The following TRPM7 variants were observed in gnomAD, a reference collection of about 807,000 sequenced individuals.
TRPM7 encodes LTRPC ion channel family member 7.
Under a neutral mutation model 229.7 loss-of-function variants are expected in TRPM7, and 134 were observed. The observed-to-expected ratio is 0.58, with a 90% CI of 0.51 to 0.67. The LOEUF (loss-of-function observed/expected upper bound fraction) is 0.67. Ranked by LOEUF, TRPM7 falls within the 30% of genes least tolerant of loss-of-function variation. TRPM7 has a pLI of 0.00. For synonymous variants in TRPM7, 699 were observed against 715.2 expected, an observed-to-expected ratio of 0.98 and a Z score of 0.36; for missense variants, 1,901 against 2,210.0, an observed-to-expected ratio of 0.86 and a Z score of 2.80.
At chr15:50,614,097 T>G in intron 14 of TRPM7, 26 bp downstream of exon 14, 1 of 1,570,636 alleles carries the variant, frequency 6.4e-7, no homozygotes, top group Non-Finnish European at 8.6e-7. Flanking sequence ...AGCATATATA[T>G]AGATTTCCCC....
At chr15:50,577,301 G>T (rs2140285732) in intron 31 of TRPM7, among the ~76,000 whole-genome samples, 1 of 152,188 alleles carries the variant, frequency 6.6e-6, no homozygotes, top group East Asian at 1.9e-4. Context: ...TGTAATCTCA[G>T]CACTTTGGGA....
At position 50,624,314 on chromosome 15, in the gene TRPM7, A is replaced by T. The variant is rs562763464; in HGVS notation, c.1306-14T>A. ...CAAGGATCCAACCTAGGAGTATCAA[A>T]TTTAATAAATACATATTTCACATAT... On this transcript the variant is annotated splice_polypyrimidine_tract_variant and intron_variant, in intron 11 of 38. Coordinates refer to ENST00000646667, the MANE Select transcript of TRPM7 (RefSeq NM_017672.6). The T allele has an allele frequency of 1.3e-6, 2 of 1,561,514 alleles. No homozygotes were observed.
intron 23 of TRPM7, among the ~76,000 whole-genome samples, chr15:50,595,102 T>C (rs1270329442): frequency 1.3e-5 from 2 of 151,752 alleles, no homozygotes; most frequent in Non-Finnish European, 2.9e-5. Context: ...ACTCTGGAGG[T>C]GAGACAGGAG....
intron 1 of TRPM7, among the ~76,000 whole-genome samples, chr15:50,679,817 G>GA (rs1193417801): frequency 1.3e-5 from 2 of 151,796 alleles, no homozygotes; most frequent in East Asian, 3.9e-4. Context: ...TTACAGGCAA[G>GA]AGCCACCATG....
In TRPM7 at chr15:50,686,567, A is replaced by C. The variant is rs1596363643; in HGVS notation, c.-34T>G. 1.2e-6 allele frequency: 2 copies of C among 1,601,748 alleles called. No homozygotes were observed. Among genetic ancestry groups the C allele is most frequent in the East Asian group, 2.3e-5 (1 of 43,066 alleles). On this transcript the variant is annotated 5_prime_UTR_variant, in exon 1 of 39. Coordinates refer to ENST00000646667, the MANE Select transcript of TRPM7 (RefSeq NM_017672.6). ...CGGGGCGGACTCCGGAAGGGCAGCAACTCCACCTCCTCCTCCTCCGCGGCC... is the reference window on the plus strand; with the variant it reads ...CGGGGCGGACTCCGGAAGGGCAGCACCTCCACCTCCTCCTCCTCCGCGGCC...
At chr15:50,648,935 T>C in intron 3 of TRPM7, 50 bp from the exon 4 acceptor site, 1 of 1,435,242 alleles carries the variant, frequency 7.0e-7, no homozygotes, top group Non-Finnish European at 9.4e-7. Context: ...TTAGAGTTAA[T>C]GAAAAAATGG....
intron 4 of TRPM7, among the ~76,000 whole-genome samples, chr15:50,647,870 T>C (rs2061313902): frequency 6.6e-6 from 1 of 152,234 alleles, no homozygotes; most frequent in East Asian, 1.9e-4. Context: ...TAAACATGTG[T>C]AGACTTTATT....
At chr15:50,614,389 G>A (rs2060153931) in intron 13 of TRPM7, 126 bp from the exon 14 acceptor site, 3 of 870,100 alleles carry the variant, frequency 3.4e-6, no homozygotes, top group South Asian at 2.6e-5. Flanking sequence ...CAAGGGCCAG[G>A]TGCAGTGGCT....
At chr15:50,565,715 G>C (rs114410930) in intron 38 of TRPM7, among the ~76,000 whole-genome samples, 2 of 151,944 alleles carry the variant, frequency 1.3e-5, no homozygotes, top group African/African-American at 4.8e-5. Flanking sequence ...CAAGAACTCC[G>C]AACACTAGCA....
chr15:50,652,834 A>C (rs1449245960), intron 3 of TRPM7, among the ~76,000 whole-genome samples: 1 of 152,048 alleles, frequency 6.6e-6, no homozygotes, highest in Non-Finnish European at 1.5e-5. Context: ...ACTCCATCTC[A>C]AAAAAAGAAA....
intron 14 of TRPM7, 21 bp downstream of exon 14, chr15:50,614,102 T>G: frequency 6.3e-7 from 1 of 1,577,220 alleles, no homozygotes; most frequent in African/African-American, 1.4e-5. Flanking sequence ...ATATATAGAT[T>G]TCCCCACAAA....
chr15:50,620,315 T>A (rs1439159068), intron 12 of TRPM7, among the ~76,000 whole-genome samples: 1 of 152,032 alleles, frequency 6.6e-6, no homozygotes, highest in Non-Finnish European at 1.5e-5. Context: ...TTTCAATTTT[T>A]TTTTTTTTAA....
Position 50,592,096 on chromosome 15 carries a change from T to G in TRPM7, c.4139A>C (p.Lys1380Thr), listed in dbSNP as rs1332928898. Residue 1380 changes from lysine to threonine, a missense_variant, in exon 26 of 39, where the codon AAA (lysine) becomes ACA (threonine). Lys to Thr is a moderately conservative substitution (Grantham distance 78). Around this residue, in one of 8 missense-constraint regions of TRPM7, gnomAD observed 533 missense variants for 497.1 expected, o/e 1.07. Transcript: ENST00000646667. ...HGVELLKIFN[K>T]NQKLGSSSTS... ...AGATGAACTGCCTAATTTTTGATTTTTATTAAATATTTTTAAGAGTTCTAC... is the reference window on the plus strand; with the variant it reads ...AGATGAACTGCCTAATTTTTGATTTGTATTAAATATTTTTAAGAGTTCTAC... The G allele has an allele frequency of 6.2e-7, 1 of 1,609,584 alleles. No homozygotes were observed. The highest frequency in any genetic ancestry group is 2.2e-5 in the East Asian group (1 of 44,844).
chr15:50,574,289 C>A lies in TRPM7; in HGVS notation c.5293G>T (p.Val1765Leu). The A allele has an allele frequency of 1.2e-6, 2 of 1,613,570 alleles. No individual in the cohort carries two copies. Among genetic ancestry groups the A allele is most frequent in the Non-Finnish European group, 1.7e-6 (2 of 1,179,640 alleles). Reference protein sequence around the residue: ...TYEYTRGELLVLDLQGVGENL... With the variant: ...TYEYTRGELLLLDLQGVGENL... Reference sequence around the variant, plus strand: ...ATAAATTTACCTTGCAAATCAAGTACCAGTAACTCCCCTCTTGTATATTCG... The same window carrying A: ...ATAAATTTACCTTGCAAATCAAGTAACAGTAACTCCCCTCTTGTATATTCG... Residue 1765 changes from valine to leucine, a missense_variant, in exon 36 of 39, where the codon GTA becomes TTA. By Grantham distance (32) the Val-to-Leu change is conservative. This residue lies in a region of TRPM7 where 257 missense variants were observed against 352.0 expected (regional missense o/e 0.73). Coordinates refer to ENST00000646667, the MANE Select transcript of TRPM7 (RefSeq NM_017672.6).
chr15:50,574,440 T>C lies in TRPM7; in HGVS notation c.5142A>G (p.Gly1714=). The change falls in exon 36 of 39, where the codon GGA becomes GGG. Residue 1714 remains glycine, a synonymous_variant. Coordinates refer to ENST00000646667, the MANE Select transcript of TRPM7 (RefSeq NM_017672.6). The stretch of plus-strand genomic sequence containing the variant: ...TACATTCTTCCACAGCAAACCACTG[T>C]CCTGCTGAATGGCAATACAGCAGGA... The part of the protein sequence containing the change: ...EVFLLYCHSA[G]QWFAVEECMT... 6.2e-7 allele frequency: 1 copy of C among 1,613,912 alleles called. No homozygotes were observed. Among genetic ancestry groups the C allele is most frequent in the African/African-American group, 1.3e-5 (1 of 75,034 alleles).
intron 2 of TRPM7, among the ~76,000 whole-genome samples, chr15:50,662,313 C>G (rs1355494141): frequency 7.0e-6 from 1 of 142,718 alleles, no homozygotes; most frequent in African/African-American, 2.7e-5. Context: ...GACGACAGAG[C>G]AAGACTCTGT....
intron 6 of TRPM7, 131 bp downstream of exon 6, chr15:50,639,293 C>T: frequency 2.8e-6 from 2 of 714,958 alleles, no homozygotes; most frequent in Non-Finnish European, 3.8e-6. Context: ...AAGTAAACCT[C>T]AGGAAAATAC....
chr15:50,681,264 TACACACACACAC>T (rs72070923), intron 1 of TRPM7, among the ~76,000 whole-genome samples: 7 of 146,906 alleles, frequency 4.8e-5, no homozygotes, highest in Admixed American at 2.0e-4. Flanking sequence ...AATAAATAAA[TACACACACACAC>T]ACACACACAC....
At chr15:50,623,513 TG>T (rs2060477562) in intron 12 of TRPM7, among the ~76,000 whole-genome samples, 1 of 137,744 alleles carries the variant, frequency 7.3e-6, no homozygotes, top group African/African-American at 2.7e-5. Context: ...GCCCTGGATT[TG>T]GGGGGCAATA....
Sources: allele counts gnomAD v4.1 joint callset (sites outside exome capture counted in the v4.1 genomes callset), GRCh38; gene constraint gnomAD v4.1.1; regional missense constraint gnomAD v4.1.1; transcripts MANE v1.5; gene names NCBI Gene and HGNC (gene_info 2026-07-23, HGNC 2026-07-21).